SPTLC1: variants seen among roughly 807,000 people sequenced by gnomAD.
SPTLC1 encodes serine palmitoyltransferase long chain base subunit 1, also known as serine palmitoyltransferase 1.
In SPTLC1, 55 loss-of-function variants were observed where a neutral mutation model predicts 68.9. The ratio of observed to expected loss-of-function variants is 0.80; its 90% CI spans 0.64 to 1.00. The LOEUF (loss-of-function observed/expected upper bound fraction) is 1.00, where lower values mean the gene tolerates loss of function less well. Ranked by LOEUF, SPTLC1 falls within the 50% of genes least tolerant of loss-of-function variation. SPTLC1 has a pLI of 0.00. For missense variants in SPTLC1, 449 were observed against 573.1 expected (o/e 0.78, Z 2.21); for synonymous variants, 197 against 201.6 (o/e 0.98, Z 0.19).
At chr9:92,098,174 T>C (rs1835606414) in intron 3 of SPTLC1, among the ~76,000 whole-genome samples, 1 of 152,138 alleles carries the variant, frequency 6.6e-6, no homozygotes, top group Admixed American at 6.5e-5. Context: ...CCCGCCATCC[T>C]GACAGCCACA....
chr9:92,083,453 A>G (rs1302670247), intron 3 of SPTLC1, among the ~76,000 whole-genome samples: 5 of 151,880 alleles, frequency 3.3e-5, no homozygotes, highest in African/African-American at 1.2e-4. Context: ...TCAGCTTTCT[A>G]CATATGGCTA....
At chr9:92,109,097 T>A (rs1836124194) in intron 2 of SPTLC1, 1 of 356,204 alleles carries the variant, frequency 2.8e-6, no homozygotes, top group African/African-American at 2.1e-5. Context: ...CCTAATAACA[T>A]CTGGCCTAAC....
At chr9:92,064,749 T>C (rs78041969) in intron 6 of SPTLC1, among the ~76,000 whole-genome samples, 5,402 of 152,318 alleles carry the variant, frequency 0.035, 163 homozygotes, top group South Asian at 0.11. Flanking sequence ...GGTACCTTCA[T>C]GCCATGGAGT....
intron 9 of SPTLC1, among the ~76,000 whole-genome samples, chr9:92,049,733 A>G (rs560173299): frequency 2.4e-4 from 36 of 152,298 alleles, no homozygotes; most frequent in African/African-American, 8.7e-4. Context: ...ACAGAGCACA[A>G]ACCATGACTA....
At chr9:92,059,827 A>AC (rs1834024766) in intron 6 of SPTLC1, among the ~76,000 whole-genome samples, 1 of 152,200 alleles carries the variant, frequency 6.6e-6, no homozygotes, top group Admixed American at 6.5e-5. Context: ...AAGGGAACTT[A>AC]GACTTTGACC....
intron 3 of SPTLC1, among the ~76,000 whole-genome samples, chr9:92,084,501 T>C (rs1005510412): frequency 6.6e-6 from 1 of 152,250 alleles, no homozygotes; most frequent in Non-Finnish European, 1.5e-5. Context: ...GAGATAATCA[T>C]GTAGTTTTTG....
At chr9:92,088,249 C>A (rs538613929) in intron 3 of SPTLC1, among the ~76,000 whole-genome samples, 1 of 152,272 alleles carries the variant, frequency 6.6e-6, no homozygotes, top group African/African-American at 2.4e-5. Context: ...GTGCGCTGCA[C>A]CCACTGTCCT....
intron 3 of SPTLC1, among the ~76,000 whole-genome samples, chr9:92,086,558 T>A (rs1309740521): frequency 2.5e-4 from 38 of 149,076 alleles, no homozygotes; most frequent in South Asian, 8.5e-4. Context: ...TTTAAGAATG[T>A]TGAATATTGG....
chr9:92,051,051 A>G, intron 8 of SPTLC1: 2 of 985,278 alleles, frequency 2.0e-6, no homozygotes, highest in Non-Finnish European at 2.4e-6. Context: ...GCACTGCTTC[A>G]TTACTGTAGC....
At position 92,047,706 on chromosome 9, in the gene SPTLC1, A is replaced by C; in HGVS notation, c.891T>G (p.Ile297Met). The C allele has an allele frequency of 6.2e-7, 1 of 1,609,484 alleles. No individual in the cohort carries two copies. Among genetic ancestry groups the C allele is most frequent in the Non-Finnish European group, 8.5e-7 (1 of 1,175,940 alleles). ...TGGCACTGATAAGATCAATATCATCAATCTGCCGGAAAAGGAGGAGTGACA... is the reference window on the plus strand; with the variant it reads ...TGGCACTGATAAGATCAATATCATCCATCTGCCGGAAAAGGAGGAGTGACA... The part of the protein sequence containing the change: ...RGVTEHYGIN[I>M]DDIDLISANM... Residue 297 changes from isoleucine to methionine, a missense_variant and splice_region_variant, in exon 10 of 15, where the codon ATT becomes ATG. By Grantham distance (10) the Ile-to-Met change is conservative. Around this residue, in one of 3 missense-constraint regions of SPTLC1, gnomAD observed 391 missense variants for 472.1 expected, o/e 0.83. Coordinates refer to ENST00000262554, the MANE Select transcript of SPTLC1 (RefSeq NM_006415.4).
chr9:92,083,654 T>C (rs1459251563), intron 3 of SPTLC1, among the ~76,000 whole-genome samples: 1 of 152,162 alleles, frequency 6.6e-6, no homozygotes, highest in African/African-American at 2.4e-5. Flanking sequence ...CCTTGTAGTA[T>C]AGTTTGAAGT....
chr9:92,036,420 T>C (rs1387502657), intron 13 of SPTLC1, among the ~76,000 whole-genome samples: 1 of 152,268 alleles, frequency 6.6e-6, no homozygotes, highest in Non-Finnish European at 1.5e-5. Context: ...CTTTAGCTGT[T>C]GCTATCTAAT....
At chr9:92,052,521 GATT>G (rs202097590) in intron 8 of SPTLC1, among the ~76,000 whole-genome samples, 1 of 148,206 alleles carries the variant, frequency 6.7e-6, no homozygotes. Context: ...ATTAAACAAA[GATT>G]ATTATTATTA....
At chr9:92,048,783 A>G (rs912090693) in intron 9 of SPTLC1, among the ~76,000 whole-genome samples, 1 of 152,252 alleles carries the variant, frequency 6.6e-6, no homozygotes, top group Admixed American at 6.5e-5. Context: ...ATATTCAAAT[A>G]TTCAGTGTTC....
At chr9:92,096,812 G>T (rs1246979254) in intron 3 of SPTLC1, among the ~76,000 whole-genome samples, 1 of 151,518 alleles carries the variant, frequency 6.6e-6, no homozygotes, top group African/African-American at 2.4e-5. Context: ...GCAACAAAAG[G>T]AAAAACAGGG....
chr9:92,036,949 A>G (rs1366440261), intron 13 of SPTLC1, among the ~76,000 whole-genome samples: 1 of 152,236 alleles, frequency 6.6e-6, no homozygotes, highest in Non-Finnish European at 1.5e-5. Context: ...TCACCTCACA[A>G]GATAAGTAGC....
At chr9:92,097,235 C>A (rs919122278) in intron 3 of SPTLC1, among the ~76,000 whole-genome samples, 8 of 152,176 alleles carry the variant, frequency 5.3e-5, no homozygotes, top group Admixed American at 2.6e-4. Context: ...AATGATGCAA[C>A]CACTTTGGAA....
intron 13 of SPTLC1, among the ~76,000 whole-genome samples, 187 bp downstream of exon 13, chr9:92,038,061 T>C (rs535013808): frequency 2.6e-5 from 4 of 152,352 alleles, no homozygotes; most frequent in African/African-American, 9.6e-5. Flanking sequence ...CCTGTTACCA[T>C]GGCCAGAAGC....
At chr9:92,041,998 G>A (rs1833366564) in intron 12 of SPTLC1, among the ~76,000 whole-genome samples, 1 of 152,222 alleles carries the variant, frequency 6.6e-6, no homozygotes, top group African/African-American at 2.4e-5. Context: ...GGTGAAGGCA[G>A]GAGGATTGGT....
Sources: allele counts gnomAD v4.1 joint callset (sites outside exome capture counted in the v4.1 genomes callset), GRCh38; gene constraint gnomAD v4.1.1; regional missense constraint gnomAD v4.1.1; transcripts MANE v1.5; gene names NCBI Gene and HGNC (gene_info 2026-07-23, HGNC 2026-07-21).